Variants in ABCA5 observed in about 807,000 individuals in gnomAD.
ABCA5 encodes the protein cholesterol transporter ABCA5.
Under a neutral mutation model 206.0 loss-of-function variants are expected in ABCA5, and 163 were observed. That is an observed-to-expected ratio of 0.79 (90% CI 0.70 to 0.90). The LOEUF (loss-of-function observed/expected upper bound fraction) is 0.90. Among genes scored for constraint, ABCA5 ranks in the 40% least tolerant of loss-of-function variants. The pLI is 0.00. For synonymous variants in ABCA5, 609 were observed against 613.8 expected (o/e 0.99, Z 0.11); for missense variants, 1,859 against 1,912.9 (o/e 0.97, Z 0.53).
chr17:69,264,815 TAAA>T lies in ABCA5; in HGVS notation c.3232_3234del (p.Phe1078del). On this transcript the variant is annotated inframe_deletion, in exon 24 of 39. Transcript: ENST00000392676. ...CTTCCTAGCATCAAAATAAGAATGA[TAAA>T]AAATAAGGGGATATCAACAACAGCT... 6.2e-7 allele frequency: 1 copy of T among 1,600,352 alleles called. No homozygotes were observed. The highest frequency in any genetic ancestry group is 8.5e-7 in the Non-Finnish European group (1 of 1,173,646).
intron 24 of ABCA5, among the ~76,000 whole-genome samples, chr17:69,262,151 C>T (rs1025963369): frequency 6.6e-6 from 1 of 152,114 alleles, no homozygotes; most frequent in African/African-American, 2.4e-5. Flanking sequence ...AATGAAAGGG[C>T]CTGCTGTCAG....
chr17:69,315,221 C>T (rs1367620964), intron 1 of ABCA5: 1 of 152,220 alleles, frequency 6.6e-6, no homozygotes, highest in African/African-American at 2.4e-5. Flanking sequence ...GTGACAAAGG[C>T]TTGAGAAACT....
Position 69,247,561 on chromosome 17 carries a change from T to G in ABCA5, c.4905A>C (p.Thr1635=). 4 of 1,608,186 alleles carry G rather than the reference T, an allele frequency of 2.5e-6. No homozygotes were observed. The highest frequency in any genetic ancestry group is 3.4e-6 in the Non-Finnish European group (4 of 1,177,168). Residue 1635 remains threonine, a synonymous_variant, in exon 39 of 39, where the codon ACA becomes ACC. Coordinates refer to ENST00000392676, the MANE Select transcript of ABCA5 (RefSeq NM_172232.4). The part of the protein sequence containing the change: ...TLNSTLWWER[T]QEDRVVF ...TTCAAAATACTACTCTATCTTCTTG[T>G]GTTCGTTCCCACCAAAGTGTGCTGT...
intron 3 of ABCA5, among the ~76,000 whole-genome samples, chr17:69,312,100 T>C (rs1014619373): frequency 6.6e-6 from 1 of 152,178 alleles, no homozygotes; most frequent in Non-Finnish European, 1.5e-5. Context: ...AACTATCCCA[T>C]ATGGCAAAAA....
intron 10 of ABCA5, among the ~76,000 whole-genome samples, chr17:69,295,467 T>C (rs181515915): frequency 3.7e-4 from 57 of 152,288 alleles, no homozygotes; most frequent in African/African-American, 1.1e-3. Flanking sequence ...AAGGAGATAA[T>C]TGAGTCACAT....
chr17:69,250,410 A>G (rs2074998556), intron 36 of ABCA5, 62 bp downstream of exon 36: 1 of 1,457,354 alleles, frequency 6.9e-7, no homozygotes, highest in Non-Finnish European at 9.3e-7. Flanking sequence ...AATCCTTAAT[A>G]TAATAACTTT....
chr17:69,285,923 A>T lies in ABCA5; in HGVS notation c.2247T>A (p.Pro749=). The change falls in exon 17 of 39, where the codon CCT becomes CCA. Residue 749 remains proline, a synonymous_variant. Coordinates refer to ENST00000392676, the MANE Select transcript of ABCA5 (RefSeq NM_172232.4). ...CTGAAAATTTGTCCATGTCCTTGAA[A>T]GGCAAGCTATACACAAGTTGTTGGT... ...QNDQQLVYSL[P]FKDMDKFSGL... is the part of the protein sequence containing the mutation. 6.2e-7 allele frequency: 1 copy of T among 1,612,486 alleles called. No homozygotes were observed. Among genetic ancestry groups the T allele is most frequent in the Non-Finnish European group, 8.5e-7 (1 of 1,179,270 alleles).
At chr17:69,251,466 A>G (rs2075012539) in intron 35 of ABCA5, 1 of 327,112 alleles carries the variant, frequency 3.1e-6, no homozygotes, top group African/African-American at 2.2e-5. Flanking sequence ...TATTTGTGTT[A>G]CATAATTAAT....
At chr17:69,319,001 C>A in intron 1 of ABCA5, 1 of 489,120 alleles carries the variant, frequency 2.0e-6, no homozygotes, top group Non-Finnish European at 3.7e-6. Context: ...ATGTCTCCCT[C>A]TCAAAAGGGC....
At chr17:69,283,141 C>T (rs1329209889) in intron 18 of ABCA5, among the ~76,000 whole-genome samples, 1 of 151,920 alleles carries the variant, frequency 6.6e-6, no homozygotes, top group African/African-American at 2.4e-5. Context: ...CACACACTAC[C>T]ATACCTGGCT....
At position 69,247,593 on chromosome 17, in the gene ABCA5, T is replaced by A. The variant is rs1362154276; in HGVS notation, c.4873A>T (p.Thr1625Ser). The A allele has an allele frequency of 2.5e-6, 4 of 1,611,298 alleles. No individual in the cohort carries two copies. The highest frequency in any genetic ancestry group is 3.4e-6 in the Non-Finnish European group (4 of 1,178,914). Reference sequence around the variant, plus strand: ...TCCCACCAAAGTGTGCTGTTTAAAGTTCCACAACTATTATCTTCCTCCTCT... The same window carrying A: ...TCCCACCAAAGTGTGCTGTTTAAAGATCCACAACTATTATCTTCCTCCTCT... ...EQEEEDNSCG[T>S]LNSTLWWERT... Residue 1625 changes from threonine (T) to serine (S), a missense_variant, in exon 39 of 39, where the codon ACT becomes TCT. By Grantham distance (58) the Thr-to-Ser change is moderately conservative. Transcript: ENST00000392676.
Position 69,301,210 on chromosome 17 carries a change from G to T in ABCA5, c.1196C>A (p.Thr399Lys). The change falls in exon 9 of 39, where the codon ACA becomes AAA. Residue 399 changes from threonine to lysine, a missense_variant. Coordinates refer to ENST00000392676, the MANE Select transcript of ABCA5 (RefSeq NM_172232.4). ...ACTATTAAGTGTGAGCATGATAATT[G>T]TAATAATTAGAGGATATGGGCCTGC... The part of the protein sequence containing the change: ...LTAGPYPLII[T>K]IIMLTLNSIF... The T allele has an allele frequency of 6.2e-7, 1 of 1,604,554 alleles. No individual in the cohort carries two copies. The highest frequency in any genetic ancestry group is 1.1e-5 in the South Asian group (1 of 89,004).
intron 1 of ABCA5, chr17:69,318,931 C>A: frequency 3.1e-6 from 2 of 640,760 alleles, no homozygotes; most frequent in South Asian, 1.6e-5. Flanking sequence ...GATGTAATGG[C>A]ATCATCATGT....
chr17:69,283,591 C>CT (rs1053951851), intron 18 of ABCA5, among the ~76,000 whole-genome samples: 3 of 152,118 alleles, frequency 2.0e-5, no homozygotes, highest in Non-Finnish European at 2.9e-5. Context: ...CCATGGTAGC[C>CT]TTTTTTTATC....
chr17:69,254,251 T>A, intron 32 of ABCA5, 64 bp downstream of exon 32: 1 of 1,359,290 alleles, frequency 7.4e-7, no homozygotes, highest in Non-Finnish European at 9.9e-7. Context: ...TATGAAATTT[T>A]AAAAATATGA....
At position 69,245,768 on chromosome 17, in the gene ABCA5, T is replaced by C. The variant is rs1320425318; in HGVS notation, c.*1769A>G. The C allele has an allele frequency of 6.6e-6, 1 of 151,968 alleles. No individual in the cohort carries two copies. The highest frequency in any genetic ancestry group is 1.5e-5 in the Non-Finnish European group (1 of 67,836). The allele number at this position is 151,968 out of a possible 1,614,324, so 9.4% of individuals were successfully genotyped here. On this transcript the variant is annotated 3_prime_UTR_variant, in exon 39 of 39. Transcript: ENST00000392676. ...GGAAAAAAAATTTACTTTGCACCAA[T>C]TACACATTCACAAATGTAAAGTGAA...
intron 7 of ABCA5, among the ~76,000 whole-genome samples, chr17:69,303,823 T>TATATACATAC (rs1555584132): frequency 2.8e-4 from 2 of 7,126 alleles, no homozygotes; most frequent in African/African-American, 3.9e-4. Context: ...CATATATATA[T>TATATACATAC]ATGTATATAT....
At position 69,297,276 on chromosome 17, in the gene ABCA5, A is replaced by G; in HGVS notation, c.1351T>C (p.Ser451Pro). 2 of 1,613,074 alleles carry G rather than the reference A, an allele frequency of 1.2e-6. No individual in the cohort carries two copies. The highest frequency in any genetic ancestry group is 1.7e-6 in the Non-Finnish European group (2 of 1,179,560). Reference protein sequence around the residue: ...SKSKRNYEELSEGNVNGNISF... With the variant: ...SKSKRNYEELPEGNVNGNISF... ...ATATTTCCATTAACATTGCCCTCTG[A>G]TAACTCCTCATAATTTCTTTTGCTC... is the stretch of plus-strand genomic sequence containing the variant. The change falls in exon 10 of 39, where the codon TCA becomes CCA. Residue 451 changes from serine (S) to proline (P), a missense_variant. Ser to Pro is a moderately conservative substitution (Grantham distance 74, BLOSUM62 -1). Transcript: ENST00000392676.
At chr17:69,269,609 C>T (rs2075249927) in intron 22 of ABCA5, among the ~76,000 whole-genome samples, 1 of 152,096 alleles carries the variant, frequency 6.6e-6, no homozygotes, top group African/African-American at 2.4e-5. Context: ...TATTCATAAG[C>T]ATTACTCATA....
Sources: allele counts gnomAD v4.1 joint callset (sites outside exome capture counted in the v4.1 genomes callset), GRCh38; gene constraint gnomAD v4.1.1; transcripts MANE v1.5; gene names NCBI Gene and HGNC (gene_info 2026-07-23, HGNC 2026-07-21).